ZNF609: variants seen among roughly 807,000 people sequenced by gnomAD.
ZNF609 encodes zinc finger protein 609.
In ZNF609, 11 loss-of-function variants were observed where a neutral mutation model predicts 109.5. That is an observed-to-expected ratio of 0.10 (90% confidence interval 0.06 to 0.17). The LOEUF (loss-of-function observed/expected upper bound fraction) is 0.17. Ranked by LOEUF, ZNF609 falls within the 10% of genes least tolerant of loss-of-function variation. ZNF609 has a pLI of 1.00. For synonymous variants in ZNF609, 646 were observed against 662.0 expected, an observed-to-expected ratio of 0.98 and a Z score of 0.37; for missense variants, 1,559 against 1,772.4, an observed-to-expected ratio of 0.88 and a Z score of 2.16.
chr15:64,675,927 G>A lies in ZNF609; in HGVS notation c.3073G>A (p.Ala1025Thr). The change falls in exon 5 of 10, where the codon GCA (alanine) becomes ACA (threonine). Residue 1025 changes from alanine to threonine, a missense_variant. By Grantham distance (58) the Ala-to-Thr change is moderately conservative. Around this residue, in one of 4 missense-constraint regions of ZNF609, gnomAD observed 1,204 missense variants for 1,314.1 expected, o/e 0.92. Coordinates refer to ENST00000326648, the MANE Select transcript of ZNF609 (RefSeq NM_015042.2). The stretch of plus-strand genomic sequence containing the variant: ...GCAGCAGCGGGGAGTGGACAAGAAG[G>A]CAGAGATGGGCCTGAAGGAGCGGGA... ...EQQQRGVDKKAEMGLKEREAA... is the reference protein window; with the variant it reads ...EQQQRGVDKKTEMGLKEREAA... The A allele has an allele frequency of 6.2e-7, 1 of 1,614,228 alleles. No individual in the cohort carries two copies. Among genetic ancestry groups the A allele is most frequent in the Non-Finnish European group, 8.5e-7 (1 of 1,180,050 alleles).
At chr15:64,483,270 T>C (rs527428715) in intron 1 of ZNF609, among the ~76,000 whole-genome samples, 1 of 152,274 alleles carries the variant, frequency 6.6e-6, no homozygotes, top group Non-Finnish European at 1.5e-5. Context: ...TAATTTTGTA[T>C]TTTTAGTGGA....
At chr15:64,680,527 T>C (rs1595762871) in intron 7 of ZNF609, 119 bp from the exon 8 acceptor site, 1 of 1,278,670 alleles carries the variant, frequency 7.8e-7, no homozygotes, top group Non-Finnish European at 1.1e-6. Context: ...CTTGCACTTT[T>C]AGGGGTCATA....
At chr15:64,488,890 A>C (rs2140342573) in intron 1 of ZNF609, among the ~76,000 whole-genome samples, 1 of 149,058 alleles carries the variant, frequency 6.7e-6, no homozygotes, top group East Asian at 2.0e-4. Flanking sequence ...CTGGGTGACA[A>C]AGAGAGACTT....
intron 3 of ZNF609, among the ~76,000 whole-genome samples, chr15:64,639,958 C>T (rs897808880): frequency 1.3e-5 from 2 of 152,028 alleles, no homozygotes; most frequent in African/African-American, 2.4e-5. Context: ...CTCTTTCTGT[C>T]GCCCAGGCTG....
At position 64,529,570 on chromosome 15, in the gene ZNF609, T is replaced by C. The variant is rs56377538; in HGVS notation, c.747+29404T>C. The C allele has an allele frequency of 1.4e-4, 189 of 1,367,500 alleles. No homozygotes were observed. The Middle Eastern group carries it at 1.5e-3, about 11-fold the overall frequency. 84.7% of individuals were successfully genotyped at this position (1,367,500 alleles called of 1,614,324 possible). A position where few individuals can be genotyped will look rare whatever the true frequency, so the allele number is the denominator to read the frequency against. On this transcript the variant is annotated intron_variant, in intron 2 of 9. Transcript: ENST00000326648. Reference sequence around the variant, plus strand: ...GTAGTTGAGGTCAATGAAGGGGTCATTGATGGCAACAATATCCACTTTACC... The same window carrying C: ...GTAGTTGAGGTCAATGAAGGGGTCACTGATGGCAACAATATCCACTTTACC...
intron 5 of ZNF609, 39 bp downstream of exon 5, chr15:64,676,295 G>T (rs1896809994): frequency 6.5e-7 from 1 of 1,541,742 alleles, no homozygotes; most frequent in Non-Finnish European, 8.7e-7. Context: ...ATACCGTATG[G>T]TAATCGTCTA....
At position 64,546,152 on chromosome 15, in the gene ZNF609, C is replaced by T. The variant is rs1894355250; in HGVS notation, c.747+45986C>T. ...TATGAGAGTTCTAGTTGCTGCAAAT[C>T]CTTGTCAGTACTTGATACTGTCTGT... On this transcript the variant is annotated intron_variant, in intron 2 of 9. Coordinates refer to ENST00000326648, the MANE Select transcript of ZNF609 (RefSeq NM_015042.2). 2.6e-5 allele frequency among the ~76,000 whole-genome samples: 4 copies of T among 152,174 alleles called. 1 individual carries two copies. The highest frequency in any genetic ancestry group is 4.8e-5 in the African/African-American group (2 of 41,444).
At chr15:64,562,489 A>G (rs1894695693) in intron 2 of ZNF609, among the ~76,000 whole-genome samples, 1 of 152,174 alleles carries the variant, frequency 6.6e-6, no homozygotes, top group Non-Finnish European at 1.5e-5. Context: ...CTGGTTGCCT[A>G]TATCATTTAA....
chr15:64,601,227 A>G (rs1273185765), intron 2 of ZNF609, among the ~76,000 whole-genome samples: 1 of 152,234 alleles, frequency 6.6e-6, no homozygotes, highest in Non-Finnish European at 1.5e-5. Flanking sequence ...GCAGTGATGG[A>G]CGATGAGGCT....
At chr15:64,467,597 A>G (rs749904497) in intron 1 of ZNF609, among the ~76,000 whole-genome samples, 1 of 152,258 alleles carries the variant, frequency 6.6e-6, no homozygotes, top group Non-Finnish European at 1.5e-5. Flanking sequence ...CTCTAATCTA[A>G]GCACTTTGGG....
chr15:64,630,550 T>G (rs1896055153), intron 3 of ZNF609, among the ~76,000 whole-genome samples: 1 of 152,122 alleles, frequency 6.6e-6, no homozygotes. Flanking sequence ...ACCATATAAG[T>G]CCCTTGACTC....
At chr15:64,600,405 G>A (rs1244542687) in intron 2 of ZNF609, among the ~76,000 whole-genome samples, 1 of 145,420 alleles carries the variant, frequency 6.9e-6, no homozygotes, top group Non-Finnish European at 1.5e-5. Flanking sequence ...AGCAGAGAAT[G>A]CGCCACTGCA....
intron 2 of ZNF609, among the ~76,000 whole-genome samples, chr15:64,531,797 A>C (rs1380747371): frequency 6.6e-6 from 1 of 152,102 alleles, no homozygotes; most frequent in African/African-American, 2.4e-5. Flanking sequence ...ATTACTTCCA[A>C]CACCCTTGTC....
chr15:64,462,958 T>G (rs183950338), intron 1 of ZNF609, among the ~76,000 whole-genome samples: 1 of 152,306 alleles, frequency 6.6e-6, no homozygotes, highest in East Asian at 1.9e-4. Context: ...ATTAGTTGTG[T>G]AAAAAATTAT....
chr15:64,510,420 G>C (rs1236666570), intron 2 of ZNF609, among the ~76,000 whole-genome samples: 1 of 151,676 alleles, frequency 6.6e-6, no homozygotes, highest in Non-Finnish European at 1.5e-5. Context: ...GTCCAGGCTG[G>C]TCTGAAACTC....
chr15:64,539,611 C>A (rs976432200), intron 2 of ZNF609, among the ~76,000 whole-genome samples: 2 of 152,194 alleles, frequency 1.3e-5, no homozygotes, highest in African/African-American at 4.8e-5. Flanking sequence ...TCAAGCGATT[C>A]TCCTGCCTCA....
chr15:64,606,347 G>A (rs1385340467), intron 2 of ZNF609, among the ~76,000 whole-genome samples: 3 of 151,250 alleles, frequency 2.0e-5, no homozygotes, highest in Admixed American at 6.6e-5. Flanking sequence ...TGAGGCAAGC[G>A]CAGGAGTTCA....
chr15:64,576,337 T>A (rs532158563), intron 2 of ZNF609, among the ~76,000 whole-genome samples: 23 of 152,246 alleles, frequency 1.5e-4, no homozygotes, highest in African/African-American at 5.3e-4. Flanking sequence ...TAAACATTAA[T>A]ACTGACTTTA....
At chr15:64,523,546 C>T (rs531995357) in intron 2 of ZNF609, among the ~76,000 whole-genome samples, 99 of 152,010 alleles carry the variant, frequency 6.5e-4, no homozygotes, top group African/African-American at 2.3e-3. Flanking sequence ...GAGGCTGAGG[C>T]GGGAGGATCA....
Sources: gnomAD v4.1 joint callset for allele counts (sites outside exome capture counted in the v4.1 genomes callset) on GRCh38, gnomAD v4.1.1 for gene constraint, gnomAD v4.1.1 regional missense constraint, MANE v1.5 for transcripts, NCBI Gene and HGNC (gene_info 2026-07-23, HGNC 2026-07-21) for gene names.